Variants in SETDB1 observed in about 807,000 individuals in gnomAD.
The protein encoded by SETDB1 is SET domain bifurcated histone lysine methyltransferase 1.
SETDB1 carries 31 observed loss-of-function variants against 137.4 expected under a neutral mutation model. The observed-to-expected ratio is 0.23, with a 90% CI of 0.17 to 0.30. SETDB1 has a LOEUF of 0.30. Among genes scored for constraint, SETDB1 ranks in the 10% least tolerant of loss-of-function variants. SETDB1 has a pLI of 1.00. For missense variants in SETDB1, 1,113 were observed against 1,631.5 expected (o/e 0.68, Z 5.47); for synonymous variants, 548 against 579.9 (o/e 0.95, Z 0.79).
At chr1:150,948,270 AT>A (rs376302541) in intron 10 of SETDB1, among the ~76,000 whole-genome samples, 211 of 135,852 alleles carry the variant, frequency 1.6e-3, no homozygotes, top group Middle Eastern at 7.7e-3. Context: ...CAGAGTAGCA[AT>A]TTTTTTTTTT....
intron 16 of SETDB1, 143 bp from the exon 17 acceptor site, chr1:150,961,987 T>C (rs1413121449): frequency 2.2e-6 from 2 of 895,524 alleles, no homozygotes; most frequent in Non-Finnish European, 3.7e-6. Context: ...TTCTGTCAAG[T>C]TGCAGAGTGG....
At chr1:150,947,056 C>A (rs1245024414) in intron 10 of SETDB1, 44 bp downstream of exon 10, 1 of 1,610,234 alleles carries the variant, frequency 6.2e-7, no homozygotes, top group East Asian at 2.2e-5. Flanking sequence ...AACAGGCCAA[C>A]CAGCAAAGGA....
intron 3 of SETDB1, among the ~76,000 whole-genome samples, chr1:150,933,779 C>CTTTTTCTTTTTCTTTTTCT (rs1669855176): frequency 5.0e-5 from 1 of 20,114 alleles, no homozygotes; most frequent in African/African-American, 9.0e-5. Context: ...TTTTCTTTTT[C>CTTTTTCTTTTTCTTTTTCT]TTTTTTTTTT....
intron 5 of SETDB1, 35 bp downstream of exon 5, chr1:150,941,463 G>C: frequency 7.9e-7 from 1 of 1,270,916 alleles, no homozygotes; most frequent in Non-Finnish European, 1.1e-6. Flanking sequence ...ACAGATGGGA[G>C]GTGAATTCTT....
At chr1:150,958,719 T>C (rs1670731393) in intron 14 of SETDB1, among the ~76,000 whole-genome samples, 3 of 152,096 alleles carry the variant, frequency 2.0e-5, no homozygotes, top group African/African-American at 7.2e-5. Flanking sequence ...TTTTCTCACA[T>C]TTATTTATTT....
intron 3 of SETDB1, among the ~76,000 whole-genome samples, chr1:150,939,248 A>G (rs1344294248): frequency 3.0e-5 from 3 of 101,660 alleles, no homozygotes; most frequent in African/African-American, 7.4e-5. Flanking sequence ...CACTGCACCC[A>G]GCATTTTTTT....
Position 150,964,711 on chromosome 1 carries a change from A to C in SETDB1, c.*347A>C, listed in dbSNP as rs1002187824. 2 of 584,166 alleles carry C rather than the reference A, an allele frequency of 3.4e-6. No homozygotes were observed. The highest frequency in any genetic ancestry group is 3.0e-6 in the Non-Finnish European group (1 of 328,254). 36.2% of individuals were successfully genotyped at this position (584,166 alleles called of 1,614,324 possible). A position where few individuals can be genotyped will look rare whatever the true frequency, so the allele number is the denominator to read the frequency against. ...TCTCCAGTTTGTATTATTTCTTGAA[A>C]GTCTTTTAACAATATGATAAAACTA... On this transcript the variant is annotated 3_prime_UTR_variant, in exon 22 of 22. Coordinates refer to ENST00000692827, the MANE Select transcript of SETDB1 (RefSeq NM_001366418.1).
At chr1:150,958,226 CTTT>C (rs796507284) in intron 14 of SETDB1, among the ~76,000 whole-genome samples, 1 of 134,618 alleles carries the variant, frequency 7.4e-6, no homozygotes, top group Non-Finnish European at 1.6e-5. Context: ...AAATTATGAC[CTTT>C]TTTTTTTTCT....
rs587629539 is a variant in SETDB1 at position 150,962,619 on chromosome 1, A to G, written c.3194A>G (p.Asn1065Ser). 85 of 1,614,026 alleles carry G rather than the reference A, an allele frequency of 5.3e-5. No individual in the cohort carries two copies. Among genetic ancestry groups the G allele is most frequent in the Admixed American group, 2.0e-4 (12 of 60,010 alleles). ...VTESSRNYGY[N>S]PSPVKPEGLR... ...GAAAGCTCTCGAAATTACGGTTACAATCCTTCTCCTGTGAAGCCTGAAGGA... is the reference window on the plus strand; with the variant it reads ...GAAAGCTCTCGAAATTACGGTTACAGTCCTTCTCCTGTGAAGCCTGAAGGA... The change falls in exon 18 of 22, where the codon AAT (asparagine) becomes AGT (serine). Residue 1065 changes from asparagine (N) to serine (S), a missense_variant. Around this residue, in one of 11 missense-constraint regions of SETDB1, gnomAD observed 373 missense variants for 412.7 expected, o/e 0.90. Coordinates refer to ENST00000692827, the MANE Select transcript of SETDB1 (RefSeq NM_001366418.1).
chr1:150,960,717 G>C lies in SETDB1; in HGVS notation c.2658G>C (p.Leu886Phe). The C allele has an allele frequency of 6.2e-7, 1 of 1,610,948 alleles. No homozygotes were observed. The highest frequency in any genetic ancestry group is 8.5e-7 in the Non-Finnish European group (1 of 1,178,636). ...CCTCTGACAGCAGTGGTGTAGACTT[G>C]AAGGACCAGGAAGATGGCAACAGCG... ...PCSSDSSGVDLKDQEDGNSGT... is the reference protein window; with the variant it reads ...PCSSDSSGVDFKDQEDGNSGT... The change falls in exon 16 of 22, where the codon TTG becomes TTC. Residue 886 changes from leucine (L) to phenylalanine (F), a missense_variant. This residue lies in a region of SETDB1 where 373 missense variants were observed against 412.7 expected (regional missense o/e 0.90). Transcript: ENST00000692827.
chr1:150,950,058 A>AT (rs1670450802), intron 12 of SETDB1, among the ~76,000 whole-genome samples: 1 of 152,106 alleles, frequency 6.6e-6, no homozygotes, highest in Non-Finnish European at 1.5e-5. Flanking sequence ...ACATGGAGAA[A>AT]CCCTGTCTCT....
intron 3 of SETDB1, among the ~76,000 whole-genome samples, chr1:150,932,003 A>G (rs1433079207): frequency 1.3e-5 from 2 of 152,026 alleles, no homozygotes; most frequent in Middle Eastern, 3.4e-3. Flanking sequence ...TAGATGTTAA[A>G]CCAACCTTGC....
intron 18 of SETDB1, 26 bp downstream of exon 18, chr1:150,962,745 G>A (rs1670863404): frequency 1.2e-6 from 2 of 1,609,148 alleles, no homozygotes; most frequent in Non-Finnish European, 1.7e-6. Flanking sequence ...CTTATTCAGA[G>A]TCTAATAAAG....
intron 2 of SETDB1, among the ~76,000 whole-genome samples, chr1:150,928,709 A>G (rs1289726544): frequency 1.3e-5 from 2 of 152,164 alleles, no homozygotes; most frequent in Non-Finnish European, 2.9e-5. Context: ...GGTGTCACTT[A>G]CATTAGGTAT....
intron 14 of SETDB1, among the ~76,000 whole-genome samples, chr1:150,953,859 AT>A (rs1238801679): frequency 6.1e-4 from 91 of 148,066 alleles, no homozygotes; most frequent in Non-Finnish European, 6.6e-4. Context: ...TAAAAAAAAA[AT>A]TTTTTTTTTT....
At chr1:150,928,006 T>C in intron 2 of SETDB1, 32 bp downstream of exon 2, 1 of 1,601,572 alleles carries the variant, frequency 6.2e-7, no homozygotes, top group Non-Finnish European at 8.5e-7. Context: ...GAAGGAAATC[T>C]CTCCATTGGG....
chr1:150,933,244 G>T (rs1669822393), intron 3 of SETDB1, among the ~76,000 whole-genome samples: 1 of 151,634 alleles, frequency 6.6e-6, no homozygotes, highest in East Asian at 1.9e-4. Context: ...TTTTGTAGTA[G>T]AGATAAGGTC....
chr1:150,964,646 A>G lies in SETDB1; in HGVS notation c.*282A>G, dbSNP rs1302483655. 3.3e-6 allele frequency: 2 copies of G among 614,174 alleles called. No individual in the cohort carries two copies. 38.0% of individuals were successfully genotyped at this position (614,174 alleles called of 1,614,324 possible). A position where few individuals can be genotyped will look rare whatever the true frequency, so the allele number is the denominator to read the frequency against. On this transcript the variant is annotated 3_prime_UTR_variant, in exon 22 of 22. Coordinates refer to ENST00000692827, the MANE Select transcript of SETDB1 (RefSeq NM_001366418.1). ...TATTTGTCCAAGTGTTCCTGCTTCT[A>G]ACAGACTTTGTTCTTAGAATGGAGC...
intron 3 of SETDB1, among the ~76,000 whole-genome samples, chr1:150,931,438 A>G (rs1397365766): frequency 1.3e-5 from 2 of 150,952 alleles, no homozygotes; most frequent in African/African-American, 4.9e-5. Flanking sequence ...ACAAAAAATT[A>G]GCTGGGCGTG....
Sources: allele counts gnomAD v4.1 joint callset (sites outside exome capture counted in the v4.1 genomes callset), GRCh38; gene constraint gnomAD v4.1.1; regional missense constraint gnomAD v4.1.1; transcripts MANE v1.5; gene names NCBI Gene and HGNC (gene_info 2026-07-23, HGNC 2026-07-21).